Variants in SPTA1 observed in about 807,000 individuals in gnomAD.
SPTA1 encodes spectrin alpha, erythrocytic 1.
In SPTA1, 177 loss-of-function variants were observed where a neutral mutation model predicts 324.7. That is an observed-to-expected ratio of 0.55 (90% confidence interval 0.48 to 0.62). The LOEUF is 0.62. SPTA1 is among the 20% of genes least tolerant of loss of function. The probability of loss-of-function intolerance (pLI) is 0.00; values close to 1 mark genes in which losing one functional copy is unlikely to be tolerated. For missense variants in SPTA1, 3,162 were observed against 2,883.6 expected, an observed-to-expected ratio of 1.10 and a Z score of -2.21; for synonymous variants, 1,195 against 1,041.3, an observed-to-expected ratio of 1.15 and a Z score of -2.84.
At chr1:158,680,304 T>C (rs909420634) in intron 5 of SPTA1, among the ~76,000 whole-genome samples, 1 of 152,144 alleles carries the variant, frequency 6.6e-6, no homozygotes, top group Non-Finnish European at 1.5e-5. Flanking sequence ...GAAGCTACTA[T>C]ATAAATGGCA....
At chr1:158,612,537 A>G in intron 51 of SPTA1, 3 of 425,920 alleles carry the variant, frequency 7.0e-6, no homozygotes, top group South Asian at 6.4e-5. Flanking sequence ...CATTCAATAA[A>G]TGCTCTTTGA....
chr1:158,620,317 G>A lies in SPTA1; in HGVS notation c.6270C>T (p.Ala2090=), dbSNP rs759471799. 1.9e-6 allele frequency: 3 copies of A among 1,613,968 alleles called. No individual in the cohort carries two copies. The highest frequency in any genetic ancestry group is 1.7e-5 in the Admixed American group (1 of 60,008). The change falls in exon 44 of 52, where the codon GCC becomes GCT. Residue 2090 remains alanine, a synonymous_variant. Coordinates refer to ENST00000643759, the MANE Select transcript of SPTA1 (RefSeq NM_003126.4). The part of the protein sequence containing the change: ...QLQKDHEDFL[A]SLARAQADFK... ...AGTCTGCTTGAGCCCTAGCCAGGGAGGCCAAGAAGTCCTCATGGTCTTTCT... is the reference window on the plus strand; with the variant it reads ...AGTCTGCTTGAGCCCTAGCCAGGGAAGCCAAGAAGTCCTCATGGTCTTTCT...
rs566876119 is a variant in SPTA1 at position 158,636,534 on chromosome 1, C to T, written c.5310+107G>A. 31 of 1,301,048 alleles carry T rather than the reference C, an allele frequency of 2.4e-5. No individual in the cohort carries two copies. In the African/African-American group the frequency reaches 4.4e-4, roughly 18 times the overall value. The allele number at this position is 1,301,048 out of a possible 1,614,324, so 80.6% of individuals were successfully genotyped here. On this transcript the variant is annotated intron_variant, in intron 37 of 51. Transcript: ENST00000643759. ...AACTCTTTGACTAACTCTCTCTGACCTTGACATCCTATTTTCACGTTTTGT... is the reference window on the plus strand; with the variant it reads ...AACTCTTTGACTAACTCTCTCTGACTTTGACATCCTATTTTCACGTTTTGT...
Position 158,654,621 on chromosome 1 carries a change from G to C in SPTA1, c.3026C>G (p.Ser1009Cys), listed in dbSNP as rs867655519. Residue 1009 changes from serine to cysteine, a missense_variant, in exon 21 of 52, where the codon TCC becomes TGC. Physicochemically the swap from Ser to Cys is moderately radical, Grantham distance 112. Coordinates refer to ENST00000643759, the MANE Select transcript of SPTA1 (RefSeq NM_003126.4). The part of the protein sequence containing the change: ...KKGDVLTLLS[S>C]INKDWWKVEA... ...AGAAGGAAAAGTCACCTTATTGATG[G>C]AACTGAGCAGCGTTAAGACATCACC... 1 of 1,613,948 alleles carries C rather than the reference G, an allele frequency of 6.2e-7. No homozygotes were observed. Among genetic ancestry groups the C allele is most frequent in the Non-Finnish European group, 8.5e-7 (1 of 1,179,980 alleles).
chr1:158,617,470 A>G (rs578185661), intron 47 of SPTA1, 67 bp downstream of exon 47: 70 of 1,347,510 alleles, frequency 5.2e-5, no homozygotes, highest in Admixed American at 1.9e-4. Context: ...GGCTTCCCTT[A>G]GGTGATTATT....
chr1:158,620,840 GAAA>G (rs200959019), intron 43 of SPTA1: 1,741 of 89,518 alleles, frequency 0.019, 34 homozygotes, highest in Admixed American at 0.093. Context: ...TAGTAAACAT[GAAA>G]AAAAAAAAAA....
intron 18 of SPTA1, 140 bp downstream of exon 18, chr1:158,661,147 T>C: frequency 1.5e-6 from 2 of 1,304,918 alleles, no homozygotes; most frequent in African/African-American, 1.5e-5. Context: ...TGCCCATTTG[T>C]CAGAAATGCC....
chr1:158,620,491 A>G (rs374242870), intron 43 of SPTA1, 25 bp from the exon 44 acceptor site: 48 of 1,611,924 alleles, frequency 3.0e-5, no homozygotes, highest in Non-Finnish European at 4.0e-5. Flanking sequence ...AAAAGACACT[A>G]CCATCTTTCC....
chr1:158,626,648 G>A (rs2482963), intron 41 of SPTA1, among the ~76,000 whole-genome samples, 191 bp downstream of exon 41: 23 of 151,694 alleles, frequency 1.5e-4, no homozygotes, highest in African/African-American at 5.3e-4. Flanking sequence ...TTCTCACTTT[G>A]TGTGTGTGTG....
intron 24 of SPTA1, among the ~76,000 whole-genome samples, chr1:158,650,223 A>T (rs1571450841): frequency 1.3e-5 from 2 of 152,330 alleles, no homozygotes; most frequent in Middle Eastern, 6.8e-3. Context: ...CTGCACTGTA[A>T]ACTCCAAAAA....
rs1251917991 is a variant in SPTA1 at position 158,662,963 on chromosome 1, T to C, written c.2221-18A>G. ...ACCTGATCCTAAGGGAGAAATAGAA[T>C]GAATGCGAAGAAATCCCATCATTTA... is the stretch of plus-strand genomic sequence containing the variant. On this transcript the variant is annotated intron_variant, in intron 16 of 51. Coordinates refer to ENST00000643759, the MANE Select transcript of SPTA1 (RefSeq NM_003126.4). 1.2e-6 allele frequency: 2 copies of C among 1,613,756 alleles called. No individual in the cohort carries two copies. The highest frequency in any genetic ancestry group is 2.2e-5 in the South Asian group (2 of 91,062).
chr1:158,658,217 G>C (rs1652962049), intron 18 of SPTA1, among the ~76,000 whole-genome samples: 1 of 152,166 alleles, frequency 6.6e-6, no homozygotes, highest in Non-Finnish European at 1.5e-5. Flanking sequence ...TGGGCTGTAG[G>C]CCTGGGTAGC....
chr1:158,611,076 C>G lies in SPTA1; in HGVS notation c.*188G>C, dbSNP rs1005383565. 1 of 764,298 alleles carries G rather than the reference C, an allele frequency of 1.3e-6. No individual in the cohort carries two copies. The highest frequency in any genetic ancestry group is 1.7e-5 in the African/African-American group (1 of 57,288). 47.3% of individuals were successfully genotyped at this position (764,298 alleles called of 1,614,324 possible). ...CAACTCTATTAACCTTTCTATCTCCCACCCTTGAGATTTTTTAAGATCCTA... is the reference window on the plus strand; with the variant it reads ...CAACTCTATTAACCTTTCTATCTCCGACCCTTGAGATTTTTTAAGATCCTA... On this transcript the variant is annotated 3_prime_UTR_variant, in exon 52 of 52. Coordinates refer to ENST00000643759, the MANE Select transcript of SPTA1 (RefSeq NM_003126.4).
intron 32 of SPTA1, 128 bp downstream of exon 32, chr1:158,642,686 T>A: frequency 6.4e-7 from 1 of 1,567,166 alleles, no homozygotes; most frequent in Non-Finnish European, 8.8e-7. Flanking sequence ...CACATCAGAC[T>A]CTGAAGTCTC....
chr1:158,631,648 A>T (rs1284429662), intron 39 of SPTA1, among the ~76,000 whole-genome samples: 1 of 152,220 alleles, frequency 6.6e-6, no homozygotes, highest in Non-Finnish European at 1.5e-5. Context: ...GAAGTTTAAT[A>T]GAAATTTCCC....
At chr1:158,626,329 T>C (rs1421162129) in intron 41 of SPTA1, 107 bp from the exon 42 acceptor site, 7 of 1,021,586 alleles carry the variant, frequency 6.9e-6, no homozygotes, top group South Asian at 1.4e-5. Context: ...TTCTTGACTC[T>C]CAAAGTTGAT....
chr1:158,622,487 CAGAA>C (rs894957880), intron 43 of SPTA1, among the ~76,000 whole-genome samples: 1 of 151,906 alleles, frequency 6.6e-6, no homozygotes, highest in Non-Finnish European at 1.5e-5. Flanking sequence ...ATAGTGATAA[CAGAA>C]AGGCAGAATA....
chr1:158,662,584 G>A (rs1653301513), intron 17 of SPTA1, 118 bp downstream of exon 17: 2 of 1,390,660 alleles, frequency 1.4e-6, no homozygotes, highest in African/African-American at 2.9e-5. Context: ...TTTCATGAGT[G>A]TGAGAAGAAA....
chr1:158,614,328 T>C lies in SPTA1; in HGVS notation c.6789-22A>G. On this transcript the variant is annotated intron_variant, in intron 48 of 51. Coordinates refer to ENST00000643759, the MANE Select transcript of SPTA1 (RefSeq NM_003126.4). ...GTCCCTGAAAGAAAAAAAAAAAACA[T>C]GAATTTTCCCTGTATATGAAACACA... is the stretch of plus-strand genomic sequence containing the variant. 3 of 1,306,832 alleles carry C rather than the reference T, an allele frequency of 2.3e-6. No individual in the cohort carries two copies. In the South Asian group the frequency reaches 3.6e-5, roughly 16 times the overall value. 81.0% of individuals were successfully genotyped at this position (1,306,832 alleles called of 1,614,324 possible). A position where few individuals can be genotyped will look rare whatever the true frequency, so the allele number is the denominator to read the frequency against.
Sources: gnomAD v4.1 joint callset for allele counts (sites outside exome capture counted in the v4.1 genomes callset) on GRCh38, gnomAD v4.1.1 for gene constraint, MANE v1.5 for transcripts, NCBI Gene and HGNC (gene_info 2026-07-23, HGNC 2026-07-21) for gene names.